IL16: variants seen among roughly 807,000 people sequenced by gnomAD.
IL16 encodes the protein interleukin 16.
A neutral mutation model predicts 110.1 loss-of-function variants in IL16; 67 were observed. The observed-to-expected ratio is 0.61, with a 90% confidence interval of 0.50 to 0.75. The LOEUF is 0.75. Ranked by LOEUF, IL16 falls within the 30% of genes least tolerant of loss-of-function variation. The pLI is 0.00. For synonymous variants in IL16, 689 were observed against 662.9 expected, an observed-to-expected ratio of 1.04 and a Z score of -0.61; for missense variants, 1,545 against 1,655.0, an observed-to-expected ratio of 0.93 and a Z score of 1.15.
At position 81,309,204 on chromosome 15, in the gene IL16, T is replaced by C; in HGVS notation, c.*406T>C. ...CATGAATCTGCAATGTGGGCAGAGA[T>C]TGGAATGGGCAGCTCATCTCTGTCC... is the stretch of plus-strand genomic sequence containing the variant. On this transcript the variant is annotated 3_prime_UTR_variant, in exon 19 of 19. Transcript: ENST00000683961. 6.0e-6 allele frequency: 1 copy of C among 168,048 alleles called. No individual in the cohort carries two copies. The highest frequency in any genetic ancestry group is 1.3e-5 in the Non-Finnish European group (1 of 78,310). 10.4% of individuals were successfully genotyped at this position (168,048 alleles called of 1,614,324 possible).
At chr15:81,271,564 G>C (rs751566272) in intron 5 of IL16, among the ~76,000 whole-genome samples, 2 of 152,154 alleles carry the variant, frequency 1.3e-5, no homozygotes, top group African/African-American at 2.4e-5. Flanking sequence ...CTTGGTTAGT[G>C]AGGAGCCGAA....
chr15:81,300,456 G>A lies in IL16; in HGVS notation c.3130G>A (p.Asp1044Asn). ...TGGTTCTGCTGAAACATCTGCCTTG[G>A]ACACAGGGTTCTCGCTCAAGTGAGT... is the stretch of plus-strand genomic sequence containing the variant. ...ANGSAETSALDTGFSLNLSEL... is the reference protein window; with the variant it reads ...ANGSAETSALNTGFSLNLSEL... The change falls in exon 14 of 19, where the codon GAC (aspartate) becomes AAC (asparagine). Residue 1044 changes from aspartate to asparagine, a missense_variant. By Grantham distance (23) the Asp-to-Asn change is conservative. Around this residue, in one of 3 missense-constraint regions of IL16, gnomAD observed 356 missense variants for 399.3 expected, o/e 0.89. Coordinates refer to ENST00000683961, the MANE Select transcript of IL16 (RefSeq NM_172217.5). 6.2e-7 allele frequency: 1 copy of A among 1,612,946 alleles called. No homozygotes were observed. The highest frequency in any genetic ancestry group is 1.3e-5 in the African/African-American group (1 of 74,990).
intron 16 of IL16, among the ~76,000 whole-genome samples, chr15:81,304,518 G>C (rs565374255): frequency 6.6e-6 from 1 of 152,292 alleles, no homozygotes; most frequent in Non-Finnish European, 1.5e-5. Context: ...CTGTGTTTGA[G>C]CATTTCTCTT....
intron 1 of IL16, among the ~76,000 whole-genome samples, chr15:81,204,747 A>ATT (rs150752466): frequency 4.6e-5 from 6 of 131,104 alleles, no homozygotes; most frequent in South Asian, 2.6e-4. Context: ...TAATAACAAA[A>ATT]TTAAAAAAAA....
intron 2 of IL16, among the ~76,000 whole-genome samples, chr15:81,229,146 G>A (rs947653756): frequency 6.6e-6 from 1 of 152,196 alleles, no homozygotes; most frequent in Non-Finnish European, 1.5e-5. Flanking sequence ...CAGTGTGTAA[G>A]AGTTATAGTT....
At chr15:81,196,013 C>T (rs920508735), upstream of IL16, among the ~76,000 whole-genome samples, 5 of 152,242 alleles carry the variant, frequency 3.3e-5, no homozygotes, top group Non-Finnish European at 7.3e-5. Context: ...TGAGCACGCA[C>T]CAAAATCACC....
chr15:81,285,538 C>T (rs1596033386), intron 9 of IL16, among the ~76,000 whole-genome samples, 160 bp from the exon 10 acceptor site: 1 of 152,072 alleles, frequency 6.6e-6, no homozygotes, highest in Non-Finnish European at 1.5e-5. Flanking sequence ...TTTGGTCTGC[C>T]CTGTTCTGAG....
intron 2 of IL16, among the ~76,000 whole-genome samples, chr15:81,251,916 T>C (rs80209506): frequency 0.011 from 1,646 of 152,232 alleles, 22 homozygotes; most frequent in African/African-American, 0.038. Flanking sequence ...CTTAGTAACA[T>C]AATGCTGTAA....
intron 2 of IL16, among the ~76,000 whole-genome samples, chr15:81,252,178 C>G (rs1366314203): frequency 6.6e-6 from 1 of 152,104 alleles, no homozygotes; most frequent in Non-Finnish European, 1.5e-5. Flanking sequence ...ATACAAACAG[C>G]AGGAAATACC....
intron 1 of IL16, among the ~76,000 whole-genome samples, chr15:81,214,378 G>A (rs1370315388): frequency 2.0e-5 from 3 of 152,156 alleles, no homozygotes; most frequent in Non-Finnish European, 4.4e-5. Flanking sequence ...CTTCACTTAT[G>A]AAGTTTAGTT....
At position 81,263,145 on chromosome 15, in the gene IL16, T is replaced by C. The variant is rs569912380; in HGVS notation, c.422-2514T>C. ...AATTACCCAATTAAGTTTAATCAAT[T>C]AATTAATATCTGACATAACATTTTC... On this transcript the variant is annotated intron_variant, in intron 3 of 18. Coordinates refer to ENST00000683961, the MANE Select transcript of IL16 (RefSeq NM_172217.5). Among the ~76,000 whole-genome samples, 24 of 152,316 alleles carry C rather than the reference T, an allele frequency of 1.6e-4. No individual in the cohort carries two copies. In the East Asian group the frequency reaches 2.1e-3, roughly 13 times the overall value.
intron 2 of IL16, among the ~76,000 whole-genome samples, chr15:81,245,372 C>T (rs1053343979): frequency 2.0e-5 from 3 of 152,140 alleles, no homozygotes; most frequent in Admixed American, 6.5e-5. Context: ...CTTCCCCATT[C>T]GGTCTTTGTT....
intron 6 of IL16, 93 bp downstream of exon 6, chr15:81,273,297 T>C (rs1323555185): frequency 2.2e-6 from 2 of 918,850 alleles, no homozygotes; most frequent in East Asian, 2.6e-5. Context: ...GAATGCAAAA[T>C]GTGTCTTGAG....
intron 1 of IL16, among the ~76,000 whole-genome samples, chr15:81,208,639 G>A (rs149301396): frequency 5.2e-4 from 79 of 152,318 alleles, no homozygotes; most frequent in African/African-American, 1.8e-3. Context: ...CCATATTTTG[G>A]TTTTAAAAAT....
intron 2 of IL16, among the ~76,000 whole-genome samples, chr15:81,237,008 A>G (rs1056667352): frequency 6.6e-6 from 1 of 152,014 alleles, no homozygotes; most frequent in Non-Finnish European, 1.5e-5. Context: ...TACCTTTCCA[A>G]CTCTATTTCT....
chr15:81,239,605 T>C (rs944668961), intron 2 of IL16, among the ~76,000 whole-genome samples: 5 of 152,182 alleles, frequency 3.3e-5, no homozygotes, highest in African/African-American at 1.2e-4. Flanking sequence ...GCCCCAGTGA[T>C]AGAGTGGGGC....
chr15:81,297,216 A>T, intron 13 of IL16, 138 bp downstream of exon 13: 1 of 828,316 alleles, frequency 1.2e-6, no homozygotes, highest in Non-Finnish European at 1.8e-6. Context: ...TCAACAGTCA[A>T]GGGTTCCAGG....
chr15:81,225,458 C>A lies in IL16; in HGVS notation c.59C>A (p.Ser20Tyr). 6.2e-7 allele frequency: 1 copy of A among 1,614,174 alleles called. No individual in the cohort carries two copies. The highest frequency in any genetic ancestry group is 1.1e-5 in the South Asian group (1 of 91,088). ...SRKSAKFRSI[S>Y]RSLMLCNAKT... is the part of the protein sequence containing the mutation. ...AAATCTGCAAAATTTCGGTCCATCT[C>A]CAGGTCCCTGATGCTCTGTAATGCT... The change falls in exon 2 of 19, where the codon TCC becomes TAC. Residue 20 changes from serine (S) to tyrosine (Y), a missense_variant. Around this residue, in one of 3 missense-constraint regions of IL16, gnomAD observed 1,185 missense variants for 1,238.8 expected, o/e 0.96. Coordinates refer to ENST00000683961, the MANE Select transcript of IL16 (RefSeq NM_172217.5).
In IL16 at chr15:81,279,785, T is replaced by A; in HGVS notation, c.1081+11T>A. The stretch of plus-strand genomic sequence containing the variant: ...TTTCTCTGCAGAAAGGTAGGAGTGC[T>A]GCAGCTGTGTCCCGTGCCTGGGTCT... On this transcript the variant is annotated intron_variant, in intron 8 of 18. Coordinates refer to ENST00000683961, the MANE Select transcript of IL16 (RefSeq NM_172217.5). The A allele has an allele frequency of 6.2e-7, 1 of 1,611,786 alleles. No individual in the cohort carries two copies. Among genetic ancestry groups the A allele is most frequent in the Non-Finnish European group, 8.5e-7 (1 of 1,178,012 alleles).
Sources: gnomAD v4.1 joint callset for allele counts (sites outside exome capture counted in the v4.1 genomes callset) on GRCh38, gnomAD v4.1.1 for gene constraint, gnomAD v4.1.1 regional missense constraint, MANE v1.5 for transcripts, NCBI Gene and HGNC (gene_info 2026-07-23, HGNC 2026-07-21) for gene names.